Variants in EPC1 observed in about 807,000 individuals in gnomAD.
EPC1 encodes the protein enhancer of polycomb 1.
EPC1 carries 12 observed loss-of-function variants against 98.4 expected under a neutral mutation model. That is an observed-to-expected ratio of 0.12 (90% CI 0.08 to 0.20). The LOEUF (loss-of-function observed/expected upper bound fraction) is 0.20, where lower values mean the gene tolerates loss of function less well. EPC1 is among the 10% of genes least tolerant of loss of function. EPC1 has a pLI of 1.00. For synonymous variants in EPC1, 357 were observed against 363.9 expected (o/e 0.98, Z 0.21); for missense variants, 729 against 990.5 (o/e 0.74, Z 3.54).
chr10:32,335,155 T>C (rs74128072), intron 1 of EPC1, among the ~76,000 whole-genome samples: 3,037 of 152,244 alleles, frequency 0.02, 107 homozygotes, highest in African/African-American at 0.069. Flanking sequence ...TTAGAATATC[T>C]AGCAGGAGGG....
At chr10:32,344,261 C>T (rs924243514) in intron 1 of EPC1, among the ~76,000 whole-genome samples, 1 of 152,212 alleles carries the variant, frequency 6.6e-6, no homozygotes, top group Non-Finnish European at 1.5e-5. Context: ...GCATGAACCA[C>T]AGGACTGTAA....
At position 32,292,610 on chromosome 10, in the gene EPC1, A is replaced by G. The variant is rs754247837; in HGVS notation, c.701T>C (p.Met234Thr). The G allele has an allele frequency of 1.2e-6, 2 of 1,603,276 alleles. No homozygotes were observed. Among genetic ancestry groups the G allele is most frequent in the Non-Finnish European group, 1.7e-6 (2 of 1,177,328 alleles). ...ACTTAGATCTCGTCGCAGCTTAAGC[A>G]TTTTTTCGTAAGAGGCTTCATCATT... ...RKNDEASYEK[M>T]LKLRRDLSRA... The change falls in exon 5 of 14, where the codon ATG (methionine) becomes ACG (threonine). Residue 234 changes from methionine (M) to threonine (T), a missense_variant. Transcript: ENST00000319778.
At chr10:32,367,163 T>C (rs989915484) in intron 1 of EPC1, among the ~76,000 whole-genome samples, 1 of 152,100 alleles carries the variant, frequency 6.6e-6, no homozygotes, top group South Asian at 2.1e-4. Context: ...ACCTGGCTAA[T>C]TTTTGTATTT....
intron 1 of EPC1, among the ~76,000 whole-genome samples, chr10:32,366,996 A>T (rs1054058963): frequency 2.0e-5 from 3 of 152,068 alleles, no homozygotes; most frequent in Admixed American, 2.0e-4. Context: ...GTATGTATGT[A>T]TGTATTTTTA....
chr10:32,324,134 T>C (rs1235982091), intron 1 of EPC1, among the ~76,000 whole-genome samples: 1 of 151,824 alleles, frequency 6.6e-6, no homozygotes, highest in African/African-American at 2.4e-5. Context: ...AAACAGGGTT[T>C]CACCATGTTA....
At chr10:32,346,405 C>A in intron 1 of EPC1, 1 of 194,748 alleles carries the variant, frequency 5.1e-6, no homozygotes, top group East Asian at 1.6e-4. Context: ...CGCACCCCCA[C>A]AGCCACCCAG....
chr10:32,274,625 T>C (rs1321712894), intron 10 of EPC1, among the ~76,000 whole-genome samples: 1 of 152,174 alleles, frequency 6.6e-6, no homozygotes, highest in African/African-American at 2.4e-5. Context: ...GGTTTTCTTA[T>C]TTTCTGTGTG....
Position 32,289,004 on chromosome 10 carries a change from G to A in EPC1, c.976-1730C>T, listed in dbSNP as rs1322956531. 2.6e-5 allele frequency among the ~76,000 whole-genome samples: 4 copies of A among 151,940 alleles called. No homozygotes were observed. In the East Asian group the frequency reaches 7.7e-4, roughly 29 times the overall value. On this transcript the variant is annotated intron_variant, in intron 6 of 13. Transcript: ENST00000319778. ...TTTGGGAGGCTGAGGCAGGAGAATC[G>A]CTTGAACCCAGGAGGCGGAGGTTGC... is the stretch of plus-strand genomic sequence containing the variant.
Position 32,364,338 on chromosome 10 carries a change from C to T in EPC1, c.3+14153G>A, listed in dbSNP as rs147658753. Among the ~76,000 whole-genome samples, 95 of 152,192 alleles carry T rather than the reference C, an allele frequency of 6.2e-4. No individual in the cohort carries two copies. The East Asian group carries it at 0.015, about 24-fold the overall frequency. ...CATGAGCTATTGTGCCCAGCCCCAT[C>T]ATGTTGGTTACTCAGGGTATTTTTA... On this transcript the variant is annotated intron_variant, in intron 1 of 13. Coordinates refer to the EPC1 transcript ENST00000375110.
chr10:32,283,690 G>GT (rs1205578573), intron 10 of EPC1: 1 of 152,176 alleles, frequency 6.6e-6, no homozygotes, highest in Non-Finnish European at 1.5e-5. Context: ...TACAAAACAT[G>GT]TATGTTTGGA....
chr10:32,372,150 A>G (rs991683835), intron 1 of EPC1, among the ~76,000 whole-genome samples: 1 of 152,186 alleles, frequency 6.6e-6, no homozygotes, highest in African/African-American at 2.4e-5. Context: ...ACAGCATCTC[A>G]TCATCTGGGA....
chr10:32,315,136 G>A (rs779604798), intron 1 of EPC1, among the ~76,000 whole-genome samples: 6 of 152,156 alleles, frequency 3.9e-5, no homozygotes, highest in Non-Finnish European at 5.9e-5. Context: ...TTTGGGGACT[G>A]TAAATCTTTT....
intron 1 of EPC1, among the ~76,000 whole-genome samples, chr10:32,343,087 CTTTT>C (rs1384885691): frequency 6.6e-6 from 1 of 151,660 alleles, no homozygotes; most frequent in African/African-American, 2.4e-5. Flanking sequence ...AAACTTTTAT[CTTTT>C]TTTAAACCCC....
intron 1 of EPC1, among the ~76,000 whole-genome samples, chr10:32,323,693 G>A (rs1157510587): frequency 2.0e-5 from 3 of 152,094 alleles, no homozygotes; most frequent in Non-Finnish European, 2.9e-5. Context: ...GCCATTATAA[G>A]AAAAAACTGA....
At position 32,287,003 on chromosome 10, in the gene EPC1, A is replaced by G; in HGVS notation, c.1165T>C (p.Ser389Pro). 1 of 1,614,132 alleles carries G rather than the reference A, an allele frequency of 6.2e-7. No homozygotes were observed. The highest frequency in any genetic ancestry group is 8.5e-7 in the Non-Finnish European group (1 of 1,180,022). The change falls in exon 8 of 14, where the codon TCT (serine) becomes CCT (proline). Residue 389 changes from serine to proline, a missense_variant. Ser to Pro is a moderately conservative substitution (Grantham distance 74, BLOSUM62 -1). This residue lies in a region of EPC1 where 390 missense variants were observed against 438.6 expected (regional missense o/e 0.89). Transcript: ENST00000319778. The part of the protein sequence containing the change: ...EEPLSQVLSG[S>P]SEAEEDNDPD... ...TCATTGTCTTCCTCAGCTTCCGAAG[A>G]GCCAGACAAAACCTTTAAATGAAAT...
chr10:32,299,740 T>G (rs1361429820), intron 2 of EPC1, among the ~76,000 whole-genome samples: 1 of 152,158 alleles, frequency 6.6e-6, no homozygotes, highest in African/African-American at 2.4e-5. Flanking sequence ...AATGACAATT[T>G]TGATCACCAG....
At chr10:32,333,289 G>A (rs1192709305) in intron 1 of EPC1, among the ~76,000 whole-genome samples, 2 of 152,142 alleles carry the variant, frequency 1.3e-5, no homozygotes, top group East Asian at 1.9e-4. Flanking sequence ...GCAGTGAGCC[G>A]AGATCGTGCC....
chr10:32,279,720 A>G (rs1051045616), intron 10 of EPC1, among the ~76,000 whole-genome samples: 4 of 152,218 alleles, frequency 2.6e-5, no homozygotes, highest in African/African-American at 9.6e-5. Context: ...TCTGAATTAT[A>G]TAAGGACTCT....
At chr10:32,323,425 A>T (rs1308740088) in intron 1 of EPC1, among the ~76,000 whole-genome samples, 1 of 152,232 alleles carries the variant, frequency 6.6e-6, no homozygotes, top group South Asian at 2.1e-4. Flanking sequence ...GCAGTATTTC[A>T]TAATTTCTAA....
Sources: gnomAD v4.1 joint callset for allele counts (sites outside exome capture counted in the v4.1 genomes callset) on GRCh38, gnomAD v4.1.1 for gene constraint, gnomAD v4.1.1 regional missense constraint, MANE v1.5 for transcripts, NCBI Gene and HGNC (gene_info 2026-07-23, HGNC 2026-07-21) for gene names.